Variants in PKP4 observed in about 807,000 individuals in gnomAD.
PKP4 encodes the protein plakophilin-4.
A neutral mutation model predicts 145.1 loss-of-function variants in PKP4; 90 were observed. That is an observed-to-expected ratio of 0.62 (90% CI 0.52 to 0.74). PKP4 has a LOEUF of 0.74. Ranked by LOEUF, PKP4 falls within the 30% of genes least tolerant of loss-of-function variation. The pLI is 0.00. For missense variants in PKP4, 1,340 were observed against 1,482.7 expected (o/e 0.90, Z 1.58); for synonymous variants, 563 against 577.2 (o/e 0.98, Z 0.35).
At chr2:158,469,718 A>T (rs1235264284) in intron 1 of PKP4, among the ~76,000 whole-genome samples, 1 of 152,216 alleles carries the variant, frequency 6.6e-6, no homozygotes, top group Non-Finnish European at 1.5e-5. Flanking sequence ...TGACTGTACA[A>T]TCAGTCCTAA....
intron 11 of PKP4, among the ~76,000 whole-genome samples, chr2:158,656,893 A>G (rs943021413): frequency 1.3e-5 from 2 of 152,174 alleles, no homozygotes; most frequent in African/African-American, 2.4e-5. Flanking sequence ...AAGGCTGAGC[A>G]GGTGGTGTCC....
chr2:158,516,733 C>G (rs1394997161), intron 1 of PKP4, among the ~76,000 whole-genome samples: 1 of 151,392 alleles, frequency 6.6e-6, no homozygotes, highest in African/African-American at 2.4e-5. Flanking sequence ...AGTCTTGGCT[C>G]ACCACAACCT....
chr2:158,655,816 G>A (rs1006331403), intron 11 of PKP4, among the ~76,000 whole-genome samples: 1 of 152,218 alleles, frequency 6.6e-6, no homozygotes, highest in Non-Finnish European at 1.5e-5. Flanking sequence ...CTGCCACTGT[G>A]GCTGGCTTAT....
At chr2:158,559,568 T>C (rs1283688487) in intron 2 of PKP4, among the ~76,000 whole-genome samples, 1 of 152,104 alleles carries the variant, frequency 6.6e-6, no homozygotes, top group Non-Finnish European at 1.5e-5. Flanking sequence ...AGAGATGGCA[T>C]TCTCTTGCAA....
intron 9 of PKP4, among the ~76,000 whole-genome samples, chr2:158,636,156 A>G (rs944454980): frequency 1.3e-5 from 2 of 151,978 alleles, no homozygotes; most frequent in Non-Finnish European, 2.9e-5. Context: ...TTCCATCTCA[A>G]CTCATTTCCC....
At chr2:158,472,054 A>G (rs556739624) in intron 1 of PKP4, among the ~76,000 whole-genome samples, 1 of 152,284 alleles carries the variant, frequency 6.6e-6, no homozygotes, top group South Asian at 2.1e-4. Context: ...AAGAATATAT[A>G]ATTAGTTAGA....
intron 2 of PKP4, among the ~76,000 whole-genome samples, chr2:158,569,737 G>A (rs946242029): frequency 6.6e-6 from 1 of 152,106 alleles, no homozygotes; most frequent in African/African-American, 2.4e-5. Flanking sequence ...AAAAGAAAAA[G>A]TGTGCTTAGT....
At chr2:158,526,594 T>C (rs2042973069) in intron 1 of PKP4, among the ~76,000 whole-genome samples, 1 of 90,304 alleles carries the variant, frequency 1.1e-5, no homozygotes, top group Non-Finnish European at 2.1e-5. Context: ...ATGCCCTCTC[T>C]CACCGCTCCT....
At chr2:158,678,451 G>T in intron 20 of PKP4, 130 bp from the exon 21 acceptor site, 1 of 695,058 alleles carries the variant, frequency 1.4e-6, no homozygotes, top group South Asian at 1.7e-5. Context: ...ACCTCTCCCA[G>T]CCCGCATTGG....
At chr2:158,495,931 T>A (rs1695645914) in intron 1 of PKP4, among the ~76,000 whole-genome samples, 1 of 152,016 alleles carries the variant, frequency 6.6e-6, no homozygotes, top group Non-Finnish European at 1.5e-5. Flanking sequence ...TAAATCAATA[T>A]CAGTTTTAAC....
At position 158,625,549 on chromosome 2, in the gene PKP4, ACTATAAACTTAAGG is replaced by A; in HGVS notation, c.1153+123_1153+136del. On this transcript the variant is annotated intron_variant, in intron 7 of 21. Transcript: ENST00000389759. ...TCGTGTTTTTAATCTCAGATTTTAA[ACTATAAACTTAAGG>A]TTAACTTGTCTTTCAGGTTCTGTAA... 3 of 767,712 alleles carry A rather than the reference ACTATAAACTTAAGG, an allele frequency of 3.9e-6. No individual in the cohort carries two copies. In the Admixed American group the frequency reaches 9.2e-5, roughly 24 times the overall value. 47.6% of individuals were successfully genotyped at this position (767,712 alleles called of 1,614,324 possible). A position where few individuals can be genotyped will look rare whatever the true frequency, so the allele number is the denominator to read the frequency against.
chr2:158,677,409 G>T, intron 20 of PKP4: 1 of 183,398 alleles, frequency 5.5e-6, no homozygotes, highest in East Asian at 1.2e-4. Flanking sequence ...GTTACATAGT[G>T]TTAATATTTT....
intron 15 of PKP4, chr2:158,665,849 T>G (rs2057034444): frequency 1.3e-5 from 2 of 152,230 alleles, no homozygotes; most frequent in Non-Finnish European, 2.9e-5. Context: ...TATACTTACT[T>G]TTTCACCAGG....
rs12614647 is a variant in PKP4, at chr2:158,529,049, C to T, written c.-5-4131C>T. ...CAGTGCAGCATCTCTTCTACACTAT[C>T]CCTCCTGCAATCATCATCGAGACTC... On this transcript the variant is annotated intron_variant, in intron 1 of 21. Transcript: ENST00000389759. Among the ~76,000 whole-genome samples the T allele has an allele frequency of 4.9e-4, 74 of 152,324 alleles. 2 individuals are homozygous for T. In the East Asian group the frequency reaches 0.012, roughly 24 times the overall value.
chr2:158,520,109 A>C (rs1574246267), intron 1 of PKP4, among the ~76,000 whole-genome samples: 1 of 152,294 alleles, frequency 6.6e-6, no homozygotes, highest in Admixed American at 6.5e-5. Flanking sequence ...CGTGTTTATC[A>C]AGATAGAATT....
intron 2 of PKP4, among the ~76,000 whole-genome samples, chr2:158,539,754 T>A (rs2044356786): frequency 6.6e-6 from 1 of 152,162 alleles, no homozygotes; most frequent in Admixed American, 6.5e-5. Context: ...CTCCATAATA[T>A]TATAAAAATG....
At chr2:158,615,108 G>A (rs958677659) in intron 4 of PKP4, among the ~76,000 whole-genome samples, 2 of 151,614 alleles carry the variant, frequency 1.3e-5, no homozygotes, top group South Asian at 4.2e-4. Context: ...TTATAGGTTT[G>A]TGTTTTTAAG....
intron 2 of PKP4, among the ~76,000 whole-genome samples, chr2:158,564,909 G>T (rs2046847505): frequency 6.6e-6 from 1 of 152,058 alleles, no homozygotes; most frequent in Admixed American, 6.6e-5. Flanking sequence ...TAAATTGCAG[G>T]GTTTTATTTG....
At chr2:158,530,398 C>A (rs2043407997) in intron 1 of PKP4, among the ~76,000 whole-genome samples, 1 of 151,972 alleles carries the variant, frequency 6.6e-6, no homozygotes, top group Non-Finnish European at 1.5e-5. Context: ...TAAGCTTTCC[C>A]AGGTCTCCTG....
Sources: gnomAD v4.1 joint callset for allele counts (sites outside exome capture counted in the v4.1 genomes callset) on GRCh38, gnomAD v4.1.1 for gene constraint, MANE v1.5 for transcripts, NCBI Gene and HGNC (gene_info 2026-07-23, HGNC 2026-07-21) for gene names.